CSMD1: variants seen among roughly 807,000 people sequenced by gnomAD.
CSMD1 encodes the protein CUB and sushi domain-containing protein 1.
CSMD1 carries 213 observed loss-of-function variants against 417.5 expected under a neutral mutation model. The ratio of observed to expected loss-of-function variants is 0.51; its 90% CI spans 0.46 to 0.57. The LOEUF (loss-of-function observed/expected upper bound fraction) is 0.57, where lower values mean the gene tolerates loss of function less well. CSMD1 is among the 20% of genes least tolerant of loss of function. CSMD1 has a pLI of 0.00. For synonymous variants in CSMD1, 2,862 were observed against 1,736.8 expected, an observed-to-expected ratio of 1.65 and a Z score of -16.11; for missense variants, 6,923 against 4,529.7, an observed-to-expected ratio of 1.53 and a Z score of -15.17.
In CSMD1 at chr8:3,364,522, G is replaced by A. The variant is rs372005606; in HGVS notation, c.3115+2510C>T. On this transcript the variant is annotated intron_variant, in intron 20 of 69. Coordinates refer to ENST00000635120, the MANE Select transcript of CSMD1 (RefSeq NM_033225.6). The stretch of plus-strand genomic sequence containing the variant: ...AGTTTATAATGACAGTGTCAGCTGT[G>A]TAGTTACATTCTGACTTTTATATGG... Among the ~76,000 whole-genome samples, 18 of 152,314 alleles carry A rather than the reference G, an allele frequency of 1.2e-4. No homozygotes were observed. The East Asian group carries it at 1.5e-3, about 13-fold the overall frequency.
intron 3 of CSMD1, among the ~76,000 whole-genome samples, chr8:4,257,398 T>A (rs1187721125): frequency 1.3e-5 from 2 of 151,156 alleles, no homozygotes; most frequent in Non-Finnish European, 2.9e-5. Context: ...TTTCTTCATC[T>A]CATGTATAAT....
intron 10 of CSMD1, among the ~76,000 whole-genome samples, chr8:3,531,809 A>T (rs10098409): frequency 6.6e-6 from 1 of 152,212 alleles, no homozygotes; most frequent in Non-Finnish European, 1.5e-5. Flanking sequence ...AAGCTTACAC[A>T]GGGGGATGCC....
chr8:3,704,725 C>G (rs1354778554), intron 7 of CSMD1: 3 of 152,200 alleles, frequency 2.0e-5, no homozygotes, highest in Non-Finnish European at 1.5e-5. Context: ...ACACCTTAGA[C>G]AACCAGACCA....
chr8:3,607,089 A>G (rs1801654991), intron 8 of CSMD1, among the ~76,000 whole-genome samples: 1 of 152,200 alleles, frequency 6.6e-6, no homozygotes, highest in Admixed American at 6.5e-5. Flanking sequence ...ACAGCTGTAC[A>G]AAAGTGTTTT....
chr8:4,621,491 A>T (rs1178904252), intron 2 of CSMD1, among the ~76,000 whole-genome samples: 1 of 152,108 alleles, frequency 6.6e-6, no homozygotes, highest in Non-Finnish European at 1.5e-5. Flanking sequence ...AATTCACCAA[A>T]ATTGACACCA....
At chr8:4,210,344 T>G (rs1364783974) in intron 3 of CSMD1, among the ~76,000 whole-genome samples, 1 of 152,236 alleles carries the variant, frequency 6.6e-6, no homozygotes, top group African/African-American at 2.4e-5. Context: ...TCAAGTAAGT[T>G]GTATGATACC....
chr8:3,686,275 G>A (rs1799939474), intron 7 of CSMD1, among the ~76,000 whole-genome samples: 1 of 152,180 alleles, frequency 6.6e-6, no homozygotes, highest in Non-Finnish European at 1.5e-5. Flanking sequence ...AGCTAGGAAA[G>A]GCAGTGTCAA....
chr8:3,138,112 G>C (rs1818215730), intron 41 of CSMD1, among the ~76,000 whole-genome samples: 1 of 152,196 alleles, frequency 6.6e-6, no homozygotes, highest in African/African-American at 2.4e-5. Context: ...TGTAATCCCA[G>C]CTACTTGGGA....
chr8:4,625,849 G>A (rs780007836), intron 2 of CSMD1, among the ~76,000 whole-genome samples: 5 of 151,942 alleles, frequency 3.3e-5, no homozygotes, highest in Non-Finnish European at 2.9e-5. Flanking sequence ...TGAGCCTCCC[G>A]AGTAGCAGGG....
intron 35 of CSMD1, among the ~76,000 whole-genome samples, chr8:3,188,411 A>AT (rs1796216415): frequency 6.8e-6 from 1 of 147,588 alleles, no homozygotes; most frequent in East Asian, 2.0e-4. Flanking sequence ...GGTTCAAGCA[A>AT]TTCCCCTGCC....
intron 2 of CSMD1, among the ~76,000 whole-genome samples, chr8:4,450,290 G>A (rs1391971147): frequency 1.3e-5 from 2 of 152,168 alleles, no homozygotes; most frequent in African/African-American, 2.4e-5. Context: ...AGAAAGCTGT[G>A]CACTGTTTGC....
chr8:4,789,861 T>C (rs1423152734), intron 1 of CSMD1, among the ~76,000 whole-genome samples: 2 of 152,232 alleles, frequency 1.3e-5, no homozygotes, highest in Non-Finnish European at 2.9e-5. Flanking sequence ...TCTCTTTTAG[T>C]ACTCTTTTAT....
intron 37 of CSMD1, among the ~76,000 whole-genome samples, chr8:3,165,369 C>T (rs1428498681): frequency 6.6e-6 from 1 of 152,104 alleles, no homozygotes; most frequent in East Asian, 1.9e-4. Context: ...TCGCTTGCAA[C>T]ACTAGGAGTA....
Position 4,466,285 on chromosome 8 carries a change from G to A in CSMD1, c.303-46220C>T, listed in dbSNP as rs567143064. ...GTGGAAGAATAAGCTTGATGAGGAA[G>A]AAAACAGAGGAGGAGGAGGAGAAAC... On this transcript the variant is annotated intron_variant, in intron 2 of 69. Transcript: ENST00000635120. Among the ~76,000 whole-genome samples the A allele has an allele frequency of 2.0e-3, 306 of 152,146 alleles. 1 individual carries two copies. Among genetic ancestry groups the A allele is most frequent in the African/African-American group, 7.1e-3 (296 of 41,504 alleles).
intron 6 of CSMD1, among the ~76,000 whole-genome samples, chr8:3,731,430 G>A (rs1796251890): frequency 2.0e-5 from 3 of 152,128 alleles, no homozygotes; most frequent in Non-Finnish European, 2.9e-5. Context: ...TACCTGGCAT[G>A]GTCATGATAA....
chr8:3,580,656 C>T (rs1800343764), intron 9 of CSMD1, among the ~76,000 whole-genome samples: 1 of 152,138 alleles, frequency 6.6e-6, no homozygotes, highest in Admixed American at 6.5e-5. Context: ...AGTCAGGAAA[C>T]AGCAGCAGAA....
intron 3 of CSMD1, among the ~76,000 whole-genome samples, chr8:4,125,373 T>C (rs1802702954): frequency 6.6e-6 from 1 of 152,068 alleles, no homozygotes; most frequent in Non-Finnish European, 1.5e-5. Flanking sequence ...GACCTGCAGG[T>C]CCCCTCCCTG....
chr8:3,016,792 G>C (rs1808871640), intron 52 of CSMD1, among the ~76,000 whole-genome samples: 1 of 152,044 alleles, frequency 6.6e-6, no homozygotes, highest in African/African-American at 2.4e-5. Flanking sequence ...ACTCATTTCT[G>C]AGTGAATCAT....
At chr8:3,383,692 T>G (rs550195812) in intron 18 of CSMD1, among the ~76,000 whole-genome samples, 2 of 51,222 alleles carry the variant, frequency 3.9e-5, no homozygotes, top group South Asian at 9.1e-4. Flanking sequence ...TATCTAAATA[T>G]TTACACAACA....
Sources: allele counts gnomAD v4.1 joint callset (sites outside exome capture counted in the v4.1 genomes callset), GRCh38; gene constraint gnomAD v4.1.1; transcripts MANE v1.5; gene names NCBI Gene and HGNC (gene_info 2026-07-23, HGNC 2026-07-21).